ZNF407: variants seen among roughly 807,000 people sequenced by gnomAD.
The protein encoded by ZNF407 is zinc finger protein 407.
ZNF407 carries 17 observed loss-of-function variants against 131.2 expected under a neutral mutation model. That is an observed-to-expected ratio of 0.13 (90% CI 0.09 to 0.19). The LOEUF is 0.19. Among genes scored for constraint, ZNF407 ranks in the 10% least tolerant of loss-of-function variants. The pLI is 1.00. For synonymous variants in ZNF407, 1,156 were observed against 1,062.0 expected (o/e 1.09, Z -1.72); for missense variants, 2,681 against 2,830.6 (o/e 0.95, Z 1.20).
chr18:74,907,851 A>G (rs1971617231), intron 7 of ZNF407, among the ~76,000 whole-genome samples: 1 of 152,206 alleles, frequency 6.6e-6, no homozygotes, highest in South Asian at 2.1e-4. Context: ...GCTTTTGCTA[A>G]CTTACACCAT....
At chr18:74,657,887 A>C in intron 3 of ZNF407, among the ~76,000 whole-genome samples, 1 of 143,290 alleles carries the variant, frequency 7.0e-6, no homozygotes, top group Non-Finnish European at 1.5e-5. Context: ...CTTGCTCTCT[A>C]CTTCTCCTTT....
At chr18:74,794,969 T>C (rs1969892895) in intron 4 of ZNF407, among the ~76,000 whole-genome samples, 1 of 152,180 alleles carries the variant, frequency 6.6e-6, no homozygotes, top group Non-Finnish European at 1.5e-5. Context: ...TATATTTGTT[T>C]AAATGAACAA....
chr18:75,022,653 A>G (rs1973124150), intron 8 of ZNF407, among the ~76,000 whole-genome samples: 1 of 152,148 alleles, frequency 6.6e-6, no homozygotes, highest in African/African-American at 2.4e-5. Context: ...ATCAAATGTC[A>G]GTTAATGGCG....
chr18:74,628,304 A>G (rs1376941253), intron 1 of ZNF407, among the ~76,000 whole-genome samples: 1 of 152,132 alleles, frequency 6.6e-6, no homozygotes, highest in Non-Finnish European at 1.5e-5. Context: ...TTTTAGTATT[A>G]TATTCATGGA....
chr18:74,706,491 G>C (rs774096733), intron 3 of ZNF407, among the ~76,000 whole-genome samples: 1 of 152,116 alleles, frequency 6.6e-6, no homozygotes, highest in Non-Finnish European at 1.5e-5. Flanking sequence ...ATGCTCATTC[G>C]TTTGTTGTTC....
chr18:74,633,965 C>T lies in ZNF407; in HGVS notation c.2946C>T (p.Asn982=). 2 of 1,614,010 alleles carry T rather than the reference C, an allele frequency of 1.2e-6. No homozygotes were observed. The highest frequency in any genetic ancestry group is 2.2e-5 in the South Asian group (2 of 91,082). Residue 982 remains asparagine, a synonymous_variant, in exon 2 of 9, where the codon AAC becomes AAT. Coordinates refer to ENST00000299687, the MANE Select transcript of ZNF407 (RefSeq NM_017757.3). ...NVFHSLDGEV[N]SHLLDKKEQI... ...TTCATTCTCTAGATGGAGAAGTTAA[C>T]AGCCATCTTCTTGATAAAAAGGAGC...
chr18:74,772,773 G>A (rs1969387853), intron 3 of ZNF407, among the ~76,000 whole-genome samples: 1 of 152,158 alleles, frequency 6.6e-6, no homozygotes, highest in South Asian at 2.1e-4. Flanking sequence ...ATATTTATAG[G>A]AAGGTGTGTC....
intron 3 of ZNF407, among the ~76,000 whole-genome samples, chr18:74,737,706 C>A (rs577562435): frequency 6.6e-6 from 1 of 152,302 alleles, no homozygotes; most frequent in East Asian, 1.9e-4. Flanking sequence ...TACACACATG[C>A]ATACACATCT....
At chr18:74,959,466 A>G (rs1360328633) in intron 8 of ZNF407, among the ~76,000 whole-genome samples, 1 of 152,120 alleles carries the variant, frequency 6.6e-6, no homozygotes, top group Non-Finnish European at 1.5e-5. Flanking sequence ...GCATGCAACC[A>G]TCATGCCATT....
chr18:75,001,216 G>A (rs918403229), intron 8 of ZNF407, among the ~76,000 whole-genome samples: 1 of 152,272 alleles, frequency 6.6e-6, no homozygotes. Context: ...AGTGCCGACT[G>A]TAACAATAGG....
chr18:74,774,402 G>T (rs1969425220), intron 3 of ZNF407, among the ~76,000 whole-genome samples: 1 of 152,142 alleles, frequency 6.6e-6, no homozygotes, highest in African/African-American at 2.4e-5. Flanking sequence ...ATCACCTACA[G>T]ATTACTTAAT....
At chr18:74,881,268 C>A in intron 6 of ZNF407, 149 bp downstream of exon 6, 1 of 649,224 alleles carries the variant, frequency 1.5e-6, no homozygotes, top group Non-Finnish European at 2.5e-6. Flanking sequence ...AGTTGAATAA[C>A]ATAAAATTTT....
intron 3 of ZNF407, among the ~76,000 whole-genome samples, chr18:74,776,274 T>G (rs1175122270): frequency 6.6e-6 from 1 of 152,198 alleles, no homozygotes; most frequent in Non-Finnish European, 1.5e-5. Context: ...CACGTTGATC[T>G]TGGACCTTCC....
At chr18:74,755,725 T>TTTCCTTTCTTTCTTTC (rs1968925416) in intron 3 of ZNF407, among the ~76,000 whole-genome samples, 2 of 107,944 alleles carry the variant, frequency 1.9e-5, no homozygotes, top group Non-Finnish European at 3.7e-5. Context: ...CTCTTCTTTC[T>TTTCCTTTCTTTCTTTC]TTCCTTTCTT....
chr18:74,630,296 G>A (rs1450412831), intron 1 of ZNF407, among the ~76,000 whole-genome samples: 4 of 150,130 alleles, frequency 2.7e-5, no homozygotes, highest in South Asian at 2.1e-4. Flanking sequence ...TCAGCCTACC[G>A]AGTAGCTGGG....
Position 75,063,906 on chromosome 18 carries a change from C to T in ZNF407, c.6185C>T (p.Pro2062Leu). 6.2e-7 allele frequency: 1 copy of T among 1,613,576 alleles called. No individual in the cohort carries two copies. The highest frequency in any genetic ancestry group is 8.5e-7 in the Non-Finnish European group (1 of 1,179,858). ...AVEVLTQVVH[P>L]SAAMASQERA... ...GAGGTGCTCACCCAGGTGGTCCATC[C>T]CTCAGCAGCCATGGCCTCTCAGGAG... Residue 2062 changes from proline (P) to leucine (L), a missense_variant, in exon 9 of 9, where the codon CCC becomes CTC. Transcript: ENST00000299687. This position sits in a 1 kb window ranked among gnomAD's most constrained non-coding sequence, Gnocchi z 6.6.
At chr18:74,651,536 A>T (rs1232264018) in intron 3 of ZNF407, among the ~76,000 whole-genome samples, 3 of 152,178 alleles carry the variant, frequency 2.0e-5, no homozygotes, top group African/African-American at 7.2e-5. Context: ...GTTCACAGCC[A>T]TGTATTTTCT....
chr18:74,874,465 T>TA (rs1467108912), intron 4 of ZNF407, among the ~76,000 whole-genome samples: 2 of 152,188 alleles, frequency 1.3e-5, no homozygotes, highest in Non-Finnish European at 2.9e-5. Flanking sequence ...GGCTTGGCCC[T>TA]ATCCCTGGTG....
intron 3 of ZNF407, among the ~76,000 whole-genome samples, chr18:74,747,017 T>C (rs1004454921): frequency 2.6e-5 from 4 of 152,156 alleles, no homozygotes; most frequent in Admixed American, 2.0e-4. Context: ...GGCTATGAGG[T>C]CATTAGTCAA....
Sources: gnomAD v4.1 joint callset for allele counts (sites outside exome capture counted in the v4.1 genomes callset) on GRCh38, gnomAD v4.1.1 for gene constraint, Gnocchi (gnomAD v3.1) non-coding constraint, MANE v1.5 for transcripts, NCBI Gene and HGNC (gene_info 2026-07-23, HGNC 2026-07-21) for gene names.